The following NAV3 variants were observed in gnomAD, a reference collection of about 807,000 sequenced individuals.
NAV3 encodes the protein neuron navigator 3, also known as pore membrane and/or filament interacting like protein 1.
A neutral mutation model predicts 244.7 loss-of-function variants in NAV3; 87 were observed. The observed-to-expected ratio is 0.36, with a 90% CI of 0.30 to 0.42. The LOEUF (loss-of-function observed/expected upper bound fraction) is 0.42. Among genes scored for constraint, NAV3 ranks in the 20% least tolerant of loss-of-function variants. The pLI is 1.00. For synonymous variants in NAV3, 1,126 were observed against 1,042.2 expected (o/e 1.08, Z -1.55); for missense variants, 2,663 against 2,893.3 (o/e 0.92, Z 1.83).
At chr12:78,159,390 G>T in intron 23 of NAV3, 104 bp downstream of exon 23, 1 of 1,054,208 alleles carries the variant, frequency 9.5e-7, no homozygotes, top group Non-Finnish European at 1.4e-6. Context: ...CAGGCTGAGT[G>T]CAGAGGCTCA....
At chr12:77,737,889 G>A (rs1292415424) in intron 2 of NAV3, among the ~76,000 whole-genome samples, 2 of 151,952 alleles carry the variant, frequency 1.3e-5, no homozygotes, top group Non-Finnish European at 2.9e-5. Flanking sequence ...TGCTTTTTTT[G>A]TGTTTCTTTA....
At chr12:78,199,237 G>A in intron 36 of NAV3, 98 bp from the exon 37 acceptor site, 1 of 991,886 alleles carries the variant, frequency 1.0e-6, no homozygotes, top group South Asian at 1.5e-5. Flanking sequence ...CTTTCTATTG[G>A]AAAGTAATAA....
intron 9 of NAV3, among the ~76,000 whole-genome samples, chr12:78,025,198 C>A (rs1216059228): frequency 6.6e-6 from 1 of 152,120 alleles, no homozygotes; most frequent in Non-Finnish European, 1.5e-5. Context: ...CAGGGCTTAT[C>A]TTATTTCACC....
intron 2 of NAV3, among the ~76,000 whole-genome samples, chr12:77,824,179 T>C (rs1190127715): frequency 6.6e-6 from 1 of 151,922 alleles, no homozygotes; most frequent in Non-Finnish European, 1.5e-5. Flanking sequence ...GTTCAAGTGA[T>C]TCTCCTGTCT....
chr12:78,147,604 C>T, intron 21 of NAV3, among the ~76,000 whole-genome samples: 1 of 127,110 alleles, frequency 7.9e-6, no homozygotes, highest in Non-Finnish European at 1.7e-5. Context: ...TGGGGTGTAT[C>T]TGTTCCGGAA....
chr12:78,133,536 A>G (rs991082742), intron 18 of NAV3, among the ~76,000 whole-genome samples: 1 of 151,760 alleles, frequency 6.6e-6, no homozygotes, highest in African/African-American at 2.4e-5. Context: ...TGCAGTATTC[A>G]TGTTTTCTTT....
At chr12:78,016,320 A>G (rs745365505) in intron 8 of NAV3, among the ~76,000 whole-genome samples, 1 of 152,140 alleles carries the variant, frequency 6.6e-6, no homozygotes, top group Non-Finnish European at 1.5e-5. Flanking sequence ...CCTTATTATA[A>G]TTCAATGTGA....
intron 2 of NAV3, among the ~76,000 whole-genome samples, chr12:77,635,015 G>C (rs1454300427): frequency 1.3e-5 from 2 of 152,040 alleles, no homozygotes; most frequent in African/African-American, 4.8e-5. Context: ...GTTCACCTGA[G>C]GTCAGGAGTT....
At chr12:77,606,896 C>T (rs546562448) in intron 2 of NAV3, among the ~76,000 whole-genome samples, 1 of 152,132 alleles carries the variant, frequency 6.6e-6, no homozygotes, top group South Asian at 2.1e-4. Flanking sequence ...GTCATAAGCC[C>T]TTCTTGAACA....
chr12:78,202,388 A>G (rs944115468), intron 38 of NAV3, among the ~76,000 whole-genome samples: 1 of 152,130 alleles, frequency 6.6e-6, no homozygotes, highest in Non-Finnish European at 1.5e-5. Flanking sequence ...ACTAATAGAA[A>G]GCAAAGGAAT....
intron 2 of NAV3, among the ~76,000 whole-genome samples, chr12:77,753,169 A>T (rs190956639): frequency 6.6e-6 from 1 of 152,218 alleles, no homozygotes; most frequent in Non-Finnish European, 1.5e-5. Flanking sequence ...CATAGAAAGT[A>T]AAAAAGAATT....
In NAV3 at chr12:78,177,663, G is replaced by T. The variant is rs1958297480; in HGVS notation, c.5341G>T (p.Val1781Leu). The change falls in exon 28 of 40, where the codon GTG becomes TTG. Residue 1781 changes from valine to leucine, a missense_variant. By Grantham distance (32) the Val-to-Leu change is conservative. Coordinates refer to ENST00000397909, the MANE Select transcript of NAV3 (RefSeq NM_001024383.2). ...ACCAAAGAAACGACAAAATGGCCCT[G>T]TGATCTACAAGCATAGATCTCGGTA... ...WPPKKRQNGP[V>L]IYKHRSRICE... The T allele has an allele frequency of 1.0e-5, 16 of 1,597,326 alleles. No individual in the cohort carries two copies. Among genetic ancestry groups the T allele is most frequent in the Non-Finnish European group, 1.2e-5 (14 of 1,179,226 alleles).
intron 2 of NAV3, among the ~76,000 whole-genome samples, chr12:77,750,057 A>C (rs912207144): frequency 6.6e-6 from 1 of 152,190 alleles, no homozygotes; most frequent in Non-Finnish European, 1.5e-5. Context: ...GGAAGGAGTA[A>C]AGATAACCTC....
chr12:78,055,695 G>A (rs1173238923), intron 11 of NAV3, among the ~76,000 whole-genome samples: 1 of 152,170 alleles, frequency 6.6e-6, no homozygotes, highest in Non-Finnish European at 1.5e-5. Context: ...AAGACCCAGG[G>A]TGTGAGAAGA....
At chr12:78,085,177 C>A (rs765335060) in intron 12 of NAV3, among the ~76,000 whole-genome samples, 7 of 152,056 alleles carry the variant, frequency 4.6e-5, no homozygotes, top group Non-Finnish European at 8.8e-5. Flanking sequence ...TAACAAGTAA[C>A]CCTCTAATGT....
chr12:77,967,494 A>G (rs887454567), intron 4 of NAV3, among the ~76,000 whole-genome samples: 3 of 152,130 alleles, frequency 2.0e-5, no homozygotes, highest in African/African-American at 7.2e-5. Context: ...AGTTTGAGTT[A>G]TATGATAAAC....
chr12:77,944,941 G>T (rs917087771), intron 3 of NAV3, among the ~76,000 whole-genome samples: 1 of 152,166 alleles, frequency 6.6e-6, no homozygotes, highest in Non-Finnish European at 1.5e-5. Flanking sequence ...ATGTTATGCA[G>T]CTAAATAGCT....
intron 2 of NAV3, among the ~76,000 whole-genome samples, chr12:77,727,694 T>G (rs146456123): frequency 6.6e-6 from 1 of 152,072 alleles, no homozygotes; most frequent in African/African-American, 2.4e-5. Context: ...TTTACACTTA[T>G]TAAATCAACG....
At chr12:77,969,823 C>G (rs1056448264) in intron 5 of NAV3, among the ~76,000 whole-genome samples, 3 of 112,730 alleles carry the variant, frequency 2.7e-5, no homozygotes, top group Non-Finnish European at 5.6e-5. Context: ...GAGCGAGACT[C>G]TGTCTAAAGT....
Sources: allele counts gnomAD v4.1 joint callset (sites outside exome capture counted in the v4.1 genomes callset), GRCh38; gene constraint gnomAD v4.1.1; transcripts MANE v1.5; gene names NCBI Gene and HGNC (gene_info 2026-07-23, HGNC 2026-07-21).